The following ACSM3 variants were observed in gnomAD, a reference collection of about 807,000 sequenced individuals.
ACSM3 encodes the protein acyl-coenzyme A synthetase ACSM3, mitochondrial.
Under a neutral mutation model 74.1 loss-of-function variants are expected in ACSM3, and 61 were observed. That is an observed-to-expected ratio of 0.82 (90% CI 0.67 to 1.02). The LOEUF is 1.02. Ranked by LOEUF, ACSM3 falls within the 50% of genes least tolerant of loss-of-function variation. ACSM3 has a pLI of 0.00. For missense variants in ACSM3, 660 were observed against 697.0 expected (o/e 0.95, Z 0.60); for synonymous variants, 213 against 241.5 (o/e 0.88, Z 1.09).
Position 20,796,458 on chromosome 16 carries a change from A to G in ACSM3, c.1643A>G (p.Lys548Arg). 1 of 1,613,842 alleles carries G rather than the reference A, an allele frequency of 6.2e-7. No homozygotes were observed. Among genetic ancestry groups the G allele is most frequent in the Non-Finnish European group, 8.5e-7 (1 of 1,179,926 alleles). ...LIKEIQEHVKKTTAPYKYPRK... is the reference protein window; with the variant it reads ...LIKEIQEHVKRTTAPYKYPRK... ...AAGGAGATTCAGGAGCATGTTAAAA[A>G]AACTACAGCACCTTACAAATATCCC... The change falls in exon 13 of 14, where the codon AAA becomes AGA. Residue 548 changes from lysine to arginine, a missense_variant. Lys to Arg is a conservative substitution (Grantham distance 26, BLOSUM62 2). Transcript: ENST00000289416.
At chr16:20,785,633 G>C (rs1208564786) in intron 8 of ACSM3, among the ~76,000 whole-genome samples, 1 of 152,108 alleles carries the variant, frequency 6.6e-6, no homozygotes, top group African/African-American at 2.4e-5. Flanking sequence ...AACAACAGTG[G>C]TTATTTTGTA....
intron 2 of ACSM3, among the ~76,000 whole-genome samples, chr16:20,755,212 G>A (rs1355923771): frequency 1.3e-5 from 2 of 152,168 alleles, no homozygotes; most frequent in Admixed American, 6.5e-5. Context: ...AAAATATAAA[G>A]TTTAAATAAG....
Position 20,736,378 on chromosome 16 carries a change from TA to T in ACSM3, c.-189-13514del, listed in dbSNP as rs33947944. On this transcript the variant is annotated intron_variant, in intron 1 of 3. Transcript: ENST00000561584. The stretch of plus-strand genomic sequence containing the variant: ...TGTCAGCTATATTACACACAAATGT[TA>T]AAAAAAAAAAAAAAAAACAGACATA... 2.1e-3 allele frequency: 270 copies of T among 129,204 alleles called. 1 individual carries two copies. The highest frequency in any genetic ancestry group is 7.8e-3 in the East Asian group (35 of 4,474). 8.0% of individuals were successfully genotyped at this position (129,204 alleles called of 1,614,324 possible).
chr16:20,756,102 A>G (rs1249753836), intron 3 of ACSM3, among the ~76,000 whole-genome samples: 4 of 152,124 alleles, frequency 2.6e-5, no homozygotes, highest in Admixed American at 6.5e-5. Flanking sequence ...ATACGTGTGC[A>G]TGTGTCTTTA....
Position 20,790,435 on chromosome 16 carries a change from T to C in ACSM3, c.1225-152T>C. 2.9e-6 allele frequency: 2 copies of C among 692,290 alleles called. No homozygotes were observed. Among genetic ancestry groups the C allele is most frequent in the Non-Finnish European group, 2.5e-6 (1 of 405,180 alleles). The allele number at this position is 692,290 out of a possible 1,614,324, so 42.9% of individuals were successfully genotyped here. A position where few individuals can be genotyped will look rare whatever the true frequency, so the allele number is the denominator to read the frequency against. ...TTGCACCACTGCACTCCAGCCTGGG[T>C]GACAAAGTGAGACCTTGTCTCACAC... On this transcript the variant is annotated intron_variant, in intron 9 of 13. Transcript: ENST00000289416. The surrounding 1 kb of genome is among the most constrained non-coding windows in gnomAD (Gnocchi z 4.0).
At chr16:20,741,681 G>C (rs2079926502) in intron 1 of ACSM3, 1 of 1,584,190 alleles carries the variant, frequency 6.3e-7, no homozygotes, top group South Asian at 1.2e-5. Flanking sequence ...CACATACTGA[G>C]CCTTGCCTTT....
chr16:20,691,883 T>C (rs924812524), intron 1 of ACSM3, among the ~76,000 whole-genome samples: 3 of 151,822 alleles, frequency 2.0e-5, no homozygotes, highest in Admixed American at 6.6e-5. Context: ...GTGGTTATGA[T>C]TCCTATCATG....
At chr16:20,711,571 G>A in intron 1 of ACSM3, 1 of 1,396,064 alleles carries the variant, frequency 7.2e-7, no homozygotes, top group South Asian at 1.2e-5. Context: ...CAGTGAGGAG[G>A]TGGTCCCAGT....
intron 4 of ACSM3, chr16:20,779,771 CTTT>C (rs58558409): frequency 1.5e-3 from 209 of 141,622 alleles, no homozygotes; most frequent in South Asian, 0.012. Context: ...GGTCAGCAAA[CTTT>C]TTTTTTTTTT....
chr16:20,685,846 A>C (rs1388297100), intron 1 of ACSM3, among the ~76,000 whole-genome samples: 2 of 102,688 alleles, frequency 1.9e-5, no homozygotes, highest in Non-Finnish European at 4.2e-5. Context: ...CAAAAAAAAA[A>C]CAAAAAACTT....
At chr16:20,687,066 C>T (rs1231603892) in intron 1 of ACSM3, among the ~76,000 whole-genome samples, 1 of 151,716 alleles carries the variant, frequency 6.6e-6, no homozygotes, top group African/African-American at 2.4e-5. Flanking sequence ...CAACTCCCAC[C>T]TCTTCTCTCA....
chr16:20,675,151 G>A (rs1469123297), intron 1 of ACSM3, among the ~76,000 whole-genome samples: 7 of 150,780 alleles, frequency 4.6e-5, no homozygotes, highest in Non-Finnish European at 1.0e-4. Flanking sequence ...GAAGAGTCCT[G>A]GGGTAGAAGT....
intron 9 of ACSM3, among the ~76,000 whole-genome samples, chr16:20,787,539 T>G (rs1387509138): frequency 1.3e-5 from 2 of 152,060 alleles, no homozygotes; most frequent in African/African-American, 2.4e-5. Flanking sequence ...AGATTTGGAG[T>G]GGAACTCTGA....
chr16:20,764,414 A>T (rs570652832), intron 1 of ACSM3, among the ~76,000 whole-genome samples: 25 of 151,234 alleles, frequency 1.7e-4, no homozygotes, highest in Non-Finnish European at 2.7e-4. Flanking sequence ...AAGTTGATAA[A>T]TTTTTTTTTT....
chr16:20,718,156 A>T (rs1050482151), intron 1 of ACSM3, among the ~76,000 whole-genome samples: 9 of 152,122 alleles, frequency 5.9e-5, no homozygotes, highest in Non-Finnish European at 1.3e-4. Flanking sequence ...AGAACTGTAA[A>T]ATTTTAGCAG....
Position 20,777,560 on chromosome 16 carries a change from G to A in ACSM3, c.618G>A (p.Gly206=), listed in dbSNP as rs150984396. Residue 206 remains glycine (G), a synonymous_variant, in exon 4 of 14, where the codon GGG becomes GGA. Coordinates refer to ENST00000289416, the MANE Select transcript of ACSM3 (RefSeq NM_005622.4). The part of the protein sequence containing the change: ...IVSENSREGW[G]NLKELMKHAS... The stretch of plus-strand genomic sequence containing the variant: ...CAGAGAACTCCAGAGAGGGGTGGGG[G>A]AACCTCAAGGAGTTGATGAAGTGAG... 1.5e-3 allele frequency: 2,394 copies of A among 1,613,872 alleles called. 1 individual carries two copies. Among genetic ancestry groups the A allele is most frequent in the Non-Finnish European group, 1.9e-3 (2,208 of 1,179,860 alleles).
chr16:20,770,136 A>G lies in ACSM3; in HGVS notation c.102A>G (p.Thr34=). ...GGGCACTGCATAAAGATAATAGAACAGCAACCCCTCAGAATTTCTCCAACT... is the reference window on the plus strand; with the variant it reads ...GGGCACTGCATAAAGATAATAGAACGGCAACCCCTCAGAATTTCTCCAACT... ...SVRALHKDNR[T]ATPQNFSNYE... is the part of the protein sequence containing the mutation. The change falls in exon 2 of 14, where the codon ACA becomes ACG. Residue 34 remains threonine (T), a synonymous_variant. Coordinates refer to ENST00000289416, the MANE Select transcript of ACSM3 (RefSeq NM_005622.4). 1 of 1,614,214 alleles carries G rather than the reference A, an allele frequency of 6.2e-7. No individual in the cohort carries two copies. The highest frequency in any genetic ancestry group is 8.5e-7 in the Non-Finnish European group (1 of 1,180,028).
chr16:20,719,450 G>C (rs2079777921), intron 1 of ACSM3: 1 of 220,876 alleles, frequency 4.5e-6, no homozygotes, highest in Non-Finnish European at 9.9e-6. Context: ...AAATCACAAA[G>C]AAATGATACC....
intron 1 of ACSM3, among the ~76,000 whole-genome samples, chr16:20,742,792 AATATATAT>A (rs1216173827): frequency 5.1e-5 from 7 of 136,406 alleles, no homozygotes; most frequent in African/African-American, 1.1e-4. Context: ...GGTGCGTGTA[AATATATAT>A]ATATATATAT....
Sources: allele counts gnomAD v4.1 joint callset (sites outside exome capture counted in the v4.1 genomes callset), GRCh38; gene constraint gnomAD v4.1.1; non-coding constraint Gnocchi (gnomAD v3.1); transcripts MANE v1.5; gene names NCBI Gene and HGNC (gene_info 2026-07-23, HGNC 2026-07-21).